Variants in PRICKLE1 observed in about 807,000 individuals in gnomAD.
PRICKLE1 encodes the protein prickle-like protein 1.
A neutral mutation model predicts 70.2 loss-of-function variants in PRICKLE1; 14 were observed. That is an observed-to-expected ratio of 0.20 (90% CI 0.13 to 0.31). The LOEUF (loss-of-function observed/expected upper bound fraction) is 0.31, where lower values mean the gene tolerates loss of function less well. Among genes scored for constraint, PRICKLE1 ranks in the 10% least tolerant of loss-of-function variants. PRICKLE1 has a pLI of 1.00. For synonymous variants in PRICKLE1, 357 were observed against 379.9 expected (o/e 0.94, Z 0.70); for missense variants, 821 against 1,026.2 (o/e 0.80, Z 2.73).
At chr12:42,559,031 T>C (rs955883544) in intron 1 of PRICKLE1, among the ~76,000 whole-genome samples, 3 of 151,786 alleles carry the variant, frequency 2.0e-5, no homozygotes, top group Admixed American at 6.6e-5. Flanking sequence ...AATTAGGAAG[T>C]TGGATTACTA....
At chr12:42,553,248 T>C (rs368256345) in intron 1 of PRICKLE1, among the ~76,000 whole-genome samples, 6 of 151,608 alleles carry the variant, frequency 4.0e-5, no homozygotes, top group Non-Finnish European at 5.9e-5. Flanking sequence ...ATAGAGACCA[T>C]CCTGGCTAAC....
intron 1 of PRICKLE1, among the ~76,000 whole-genome samples, chr12:42,556,991 G>GTT (rs199967853): frequency 6.3e-5 from 9 of 143,814 alleles, no homozygotes; most frequent in South Asian, 4.4e-4. Context: ...CAAAATTTCT[G>GTT]TTTTTTTTTT....
At chr12:42,585,032 C>CT (rs113214994) in intron 1 of PRICKLE1, among the ~76,000 whole-genome samples, 3,177 of 144,640 alleles carry the variant, frequency 0.022, 107 homozygotes, top group Admixed American at 0.1. Context: ...ACAGCCCTAA[C>CT]TTTTTTTTTT....
chr12:42,532,565 T>C (rs1183171070), intron 1 of PRICKLE1, among the ~76,000 whole-genome samples: 2 of 152,234 alleles, frequency 1.3e-5, no homozygotes, highest in Non-Finnish European at 2.9e-5. Flanking sequence ...GTAATCAATA[T>C]AAAAATTAGT....
intron 1 of PRICKLE1, among the ~76,000 whole-genome samples, chr12:42,523,182 T>C (rs1312444032): frequency 6.6e-6 from 1 of 152,190 alleles, no homozygotes; most frequent in African/African-American, 2.4e-5. Context: ...TTAGCCAGGA[T>C]GGTCTCGAAC....
chr12:42,465,476 T>C (rs1938059608), intron 6 of PRICKLE1: 2 of 576,510 alleles, frequency 3.5e-6, no homozygotes, highest in African/African-American at 1.9e-5. Flanking sequence ...TTCGCAACAG[T>C]TTCATGGTCA....
chr12:42,512,447 A>T (rs1939531800), intron 1 of PRICKLE1, among the ~76,000 whole-genome samples: 1 of 152,164 alleles, frequency 6.6e-6, no homozygotes, highest in Admixed American at 6.5e-5. Context: ...AAGTGCGGGG[A>T]TTACAGGCAT....
chr12:42,585,334 C>T (rs536526537), intron 1 of PRICKLE1, among the ~76,000 whole-genome samples: 6 of 152,242 alleles, frequency 3.9e-5, no homozygotes, highest in African/African-American at 9.6e-5. Context: ...AAGGTCTAAT[C>T]GGTTCAGGCT....
intron 2 of PRICKLE1, among the ~76,000 whole-genome samples, chr12:42,472,011 CTCTTT>C (rs1201026248): frequency 1.3e-5 from 2 of 152,180 alleles, no homozygotes; most frequent in Non-Finnish European, 2.9e-5. Flanking sequence ...GGAAACTTTT[CTCTTT>C]TCTTTTATTG....
rs934643863 is a variant in PRICKLE1, at chr12:42,515,928, G to C, written c.-48-43364C>G. 7.2e-5 allele frequency among the ~76,000 whole-genome samples: 11 copies of C among 152,092 alleles called. 1 individual carries two copies. Among genetic ancestry groups the C allele is most frequent in the Admixed American group, 1.3e-4 (2 of 15,268 alleles). On this transcript the variant is annotated intron_variant, in intron 1 of 7. Transcript: ENST00000345127. ...TAAATCCAGAAATTCATGTCCTTCT[G>C]TTCAGGAAATTTTCTGTAATTATTT...
At chr12:42,563,017 TACTA>T (rs113784144) in intron 1 of PRICKLE1, among the ~76,000 whole-genome samples, 6,980 of 151,972 alleles carry the variant, frequency 0.046, 169 homozygotes, top group African/African-American at 0.062. Flanking sequence ...ACCCTGTCTC[TACTA>T]AAAATACAAA....
At chr12:42,541,240 G>A (rs996343216) in intron 1 of PRICKLE1, among the ~76,000 whole-genome samples, 10 of 152,072 alleles carry the variant, frequency 6.6e-5, no homozygotes, top group Non-Finnish European at 1.2e-4. Flanking sequence ...ACTATATAAG[G>A]AAAAAATTAC....
In PRICKLE1 at chr12:42,464,880, G is replaced by C; in HGVS notation, c.1154C>G (p.Thr385Arg). Reference protein sequence around the residue: ...LDDLSLSRQGTSFASEEFWKG... With the variant: ...LDDLSLSRQGRSFASEEFWKG... ...CCAAAATTCTTCACTGGCAAAACTT[G>C]TTCCTTGTCTGGAGAGACTCAGATC... is the stretch of plus-strand genomic sequence containing the variant. The change falls in exon 7 of 8, where the codon ACA becomes AGA. Residue 385 changes from threonine (T) to arginine (R), a missense_variant. Physicochemically the swap from Thr to Arg is moderately conservative, Grantham distance 71. Transcript: ENST00000345127. The surrounding 1 kb of genome is among the most constrained non-coding windows in gnomAD (Gnocchi z 4.2). The C allele has an allele frequency of 6.2e-7, 1 of 1,614,048 alleles. No homozygotes were observed. Among genetic ancestry groups the C allele is most frequent in the Non-Finnish European group, 8.5e-7 (1 of 1,180,016 alleles).
At chr12:42,544,610 G>T (rs775111819) in intron 1 of PRICKLE1, among the ~76,000 whole-genome samples, 1 of 152,174 alleles carries the variant, frequency 6.6e-6, no homozygotes, top group African/African-American at 2.4e-5. Context: ...CCATCAGGAA[G>T]TTCCCTCTCT....
chr12:42,488,247 A>C (rs1939023908), intron 1 of PRICKLE1, among the ~76,000 whole-genome samples: 1 of 152,060 alleles, frequency 6.6e-6, no homozygotes, highest in African/African-American at 2.4e-5. Context: ...TGGGTCTCTA[A>C]AGACTCAATA....
chr12:42,500,244 G>A (rs1488718195), intron 1 of PRICKLE1, among the ~76,000 whole-genome samples: 1 of 152,164 alleles, frequency 6.6e-6, no homozygotes, highest in Non-Finnish European at 1.5e-5. Flanking sequence ...TCAGACAAAT[G>A]ACACCCTGAG....
intron 1 of PRICKLE1, among the ~76,000 whole-genome samples, chr12:42,579,488 A>G (rs991662456): frequency 6.6e-6 from 1 of 152,224 alleles, no homozygotes; most frequent in Admixed American, 6.5e-5. Context: ...GCTACAGTTA[A>G]GTATTTTTCC....
chr12:42,470,130 AG>A (rs1388693318), intron 3 of PRICKLE1, 115 bp downstream of exon 3: 2 of 758,716 alleles, frequency 2.6e-6, no homozygotes, highest in African/African-American at 3.5e-5. Flanking sequence ...TTTTAACTAA[AG>A]AAAGGCAAAA....
intron 2 of PRICKLE1, among the ~76,000 whole-genome samples, chr12:42,470,715 G>A (rs1319779061): frequency 6.6e-6 from 1 of 152,136 alleles, no homozygotes; most frequent in South Asian, 2.1e-4. Flanking sequence ...AGACCAGCCT[G>A]ACCAACACGG....
Sources: gnomAD v4.1 joint callset for allele counts (sites outside exome capture counted in the v4.1 genomes callset) on GRCh38, gnomAD v4.1.1 for gene constraint, Gnocchi (gnomAD v3.1) non-coding constraint, MANE v1.5 for transcripts, NCBI Gene and HGNC (gene_info 2026-07-23, HGNC 2026-07-21) for gene names.